AP2B1: variants seen among roughly 807,000 people sequenced by gnomAD.
The protein encoded by AP2B1 is AP-2 complex subunit beta.
A neutral mutation model predicts 102.0 loss-of-function variants in AP2B1; 23 were observed. That is an observed-to-expected ratio of 0.23 (90% CI 0.16 to 0.32). The LOEUF (loss-of-function observed/expected upper bound fraction) is 0.32. Among genes scored for constraint, AP2B1 ranks in the 10% least tolerant of loss-of-function variants. AP2B1 has a pLI of 1.00. For synonymous variants in AP2B1, 381 were observed against 421.2 expected (o/e 0.90, Z 1.17); for missense variants, 541 against 1,157.4 (o/e 0.47, Z 7.73).
At chr17:35,596,391 A>G (rs1177419992) in intron 2 of AP2B1, among the ~76,000 whole-genome samples, 1 of 152,046 alleles carries the variant, frequency 6.6e-6, no homozygotes, top group African/African-American at 2.4e-5. Flanking sequence ...TTTTGGAACA[A>G]TTTTTTTGCC....
rs75803145 is a variant in AP2B1, at chr17:35,598,549, G to A, written c.143+214G>A. Among the ~76,000 whole-genome samples, 8 of 152,140 alleles carry A rather than the reference G, an allele frequency of 5.3e-5. No individual in the cohort carries two copies. The East Asian group carries it at 1.5e-3, about 29-fold the overall frequency. ...ATGGGGTGTGTGTGTGTTTGTGTTAGAACAGTGAAACGAGTTTGATTTCAT... is the reference window on the plus strand; with the variant it reads ...ATGGGGTGTGTGTGTGTTTGTGTTAAAACAGTGAAACGAGTTTGATTTCAT... On this transcript the variant is annotated intron_variant, in intron 3 of 21. Transcript: ENST00000610402.
intron 5 of AP2B1, among the ~76,000 whole-genome samples, chr17:35,617,053 A>G (rs1325433642): frequency 6.6e-6 from 1 of 152,070 alleles, no homozygotes; most frequent in African/African-American, 2.4e-5. Flanking sequence ...TAACAAACAC[A>G]TATCCTTTTT....
chr17:35,710,448 G>A (rs1386086523), intron 20 of AP2B1, 128 bp downstream of exon 20: 7 of 645,646 alleles, frequency 1.1e-5, no homozygotes, highest in African/African-American at 7.3e-5. Flanking sequence ...GGGTATATAT[G>A]GTAGATGCAT....
At chr17:35,630,085 C>T (rs778886910) in intron 9 of AP2B1, among the ~76,000 whole-genome samples, 5 of 152,158 alleles carry the variant, frequency 3.3e-5, no homozygotes, top group African/African-American at 7.2e-5. Context: ...AGTACTTTAC[C>T]GGAACAAAAG....
In AP2B1 at chr17:35,607,235, G is replaced by GT. The variant is rs557755207; in HGVS notation, c.280-904dup. Among the ~76,000 whole-genome samples the GT allele has an allele frequency of 4.2e-4, 64 of 152,010 alleles. No individual in the cohort carries two copies. The East Asian group carries it at 8.7e-3, about 21-fold the overall frequency. On this transcript the variant is annotated intron_variant, in intron 4 of 21. Coordinates refer to ENST00000610402, the MANE Select transcript of AP2B1 (RefSeq NM_001030006.2). ...TTTTTTTAATAGTTGTTTTTTCTCT[G>GT]TTTGGAACTTAGTGTACATTTAAAA...
At chr17:35,689,370 G>T (rs2075997342) in intron 18 of AP2B1, among the ~76,000 whole-genome samples, 1 of 152,002 alleles carries the variant, frequency 6.6e-6, no homozygotes, top group South Asian at 2.1e-4. Context: ...AGTAGAGACG[G>T]GGTTTCACCA....
At chr17:35,591,333 C>T (rs1027615095) in intron 1 of AP2B1, among the ~76,000 whole-genome samples, 17 of 151,968 alleles carry the variant, frequency 1.1e-4, no homozygotes, top group African/African-American at 2.9e-4. Context: ...CTACCATGCC[C>T]GGCTAATTTT....
intron 20 of AP2B1, among the ~76,000 whole-genome samples, chr17:35,710,862 G>A (rs1555587173): frequency 6.6e-6 from 1 of 152,082 alleles, no homozygotes; most frequent in East Asian, 1.9e-4. Context: ...CTTGAGTCCA[G>A]TTCAAGACCA....
At chr17:35,664,805 C>G (rs556950391) in intron 14 of AP2B1, among the ~76,000 whole-genome samples, 1 of 152,270 alleles carries the variant, frequency 6.6e-6, no homozygotes, top group South Asian at 2.1e-4. Flanking sequence ...CAAAGTGAGA[C>G]AGAATAAAGA....
chr17:35,697,302 A>G (rs918670511), intron 18 of AP2B1, among the ~76,000 whole-genome samples: 1 of 152,246 alleles, frequency 6.6e-6, no homozygotes, highest in Non-Finnish European at 1.5e-5. Flanking sequence ...GGAGATGACT[A>G]GGAACATAGC....
At chr17:35,677,181 G>C (rs1489175370) in intron 17 of AP2B1, among the ~76,000 whole-genome samples, 1 of 152,024 alleles carries the variant, frequency 6.6e-6, no homozygotes, top group Admixed American at 6.6e-5. Context: ...GTAGAGATGG[G>C]GTCCCACTCT....
At chr17:35,623,286 G>A (rs956057400) in intron 5 of AP2B1, among the ~76,000 whole-genome samples, 6 of 151,992 alleles carry the variant, frequency 3.9e-5, no homozygotes, top group South Asian at 2.1e-4. Context: ...TTTTTCAGCC[G>A]GGCATGGTGG....
chr17:35,619,238 A>C (rs987288928), intron 5 of AP2B1, among the ~76,000 whole-genome samples: 2 of 152,358 alleles, frequency 1.3e-5, no homozygotes, highest in East Asian at 3.9e-4. Context: ...AGTTGTTATG[A>C]GGATTAATAG....
intron 3 of AP2B1, among the ~76,000 whole-genome samples, chr17:35,598,868 C>T (rs565650375): frequency 3.9e-5 from 6 of 152,280 alleles, no homozygotes; most frequent in African/African-American, 1.2e-4. Flanking sequence ...AAGACCCTTT[C>T]GGGGGGTCCG....
intron 3 of AP2B1, chr17:35,600,890 T>C (rs1283440780): frequency 2.6e-5 from 14 of 541,350 alleles, no homozygotes; most frequent in South Asian, 8.0e-5. Flanking sequence ...GGAGCCCAGA[T>C]AGAAATGGCA....
rs1307364903 is a variant in AP2B1 at position 35,626,761 on chromosome 17, C to T, written c.857C>T (p.Pro286Leu). The change falls in exon 7 of 22, where the codon CCT becomes CTT. Residue 286 changes from proline (P) to leucine (L), a missense_variant. This residue lies in a region of AP2B1 where 134 missense variants were observed against 250.2 expected (regional missense o/e 0.54). Transcript: ENST00000610402. ...AATATGCTGCTGAAGAAGTTAGCCC[C>T]TCCACTTGTCACTTTGCTGTCTGGG... is the stretch of plus-strand genomic sequence containing the variant. ...YYNMLLKKLAPPLVTLLSGEP... is the reference protein window; with the variant it reads ...YYNMLLKKLALPLVTLLSGEP... 1.2e-6 allele frequency: 2 copies of T among 1,613,830 alleles called. No homozygotes were observed. The highest frequency in any genetic ancestry group is 1.3e-5 in the African/African-American group (1 of 74,860).
chr17:35,689,588 AT>A (rs1002773102), intron 18 of AP2B1, among the ~76,000 whole-genome samples: 2 of 152,116 alleles, frequency 1.3e-5, no homozygotes, highest in East Asian at 1.9e-4. Flanking sequence ...TTTTGTCATA[AT>A]TTTTTTTGTT....
At chr17:35,686,686 C>T (rs943713336) in intron 18 of AP2B1, among the ~76,000 whole-genome samples, 8 of 152,056 alleles carry the variant, frequency 5.3e-5, no homozygotes, top group East Asian at 1.9e-4. Context: ...AAAAACTGGC[C>T]GGGCATGGTG....
chr17:35,652,284 C>A (rs971236616), intron 13 of AP2B1, among the ~76,000 whole-genome samples: 2 of 152,108 alleles, frequency 1.3e-5, no homozygotes, highest in East Asian at 1.9e-4. Flanking sequence ...GGGAATGATA[C>A]GTTGCTGCAA....
Sources: gnomAD v4.1 joint callset for allele counts (sites outside exome capture counted in the v4.1 genomes callset) on GRCh38, gnomAD v4.1.1 for gene constraint, gnomAD v4.1.1 regional missense constraint, MANE v1.5 for transcripts, NCBI Gene and HGNC (gene_info 2026-07-23, HGNC 2026-07-21) for gene names.